Variants in LAMA2 observed in about 807,000 individuals in gnomAD.
LAMA2 encodes the protein laminin subunit alpha-2.
Under a neutral mutation model 364.8 loss-of-function variants are expected in LAMA2, and 269 were observed. The ratio of observed to expected loss-of-function variants is 0.74; its 90% CI spans 0.67 to 0.82. The LOEUF (loss-of-function observed/expected upper bound fraction) is 0.82, where lower values mean the gene tolerates loss of function less well. LAMA2 is among the 40% of genes least tolerant of loss of function. The pLI is 0.00. For missense variants in LAMA2, 3,807 were observed against 3,873.2 expected (o/e 0.98, Z 0.45); for synonymous variants, 1,379 against 1,370.6 (o/e 1.01, Z -0.14).
chr6:129,320,266 G>T (rs1774879496), intron 27 of LAMA2, among the ~76,000 whole-genome samples: 1 of 152,176 alleles, frequency 6.6e-6, no homozygotes, highest in Non-Finnish European at 1.5e-5. Context: ...GACTAAAGAG[G>T]AGGAGGAAGA....
At chr6:129,335,255 AT>A (rs1775883888) in intron 29 of LAMA2, among the ~76,000 whole-genome samples, 2 of 152,106 alleles carry the variant, frequency 1.3e-5, no homozygotes, top group African/African-American at 2.4e-5. Flanking sequence ...AAGAAAAAAA[AT>A]TTTTTTGAAG....
intron 35 of LAMA2, among the ~76,000 whole-genome samples, chr6:129,386,239 T>A (rs147627971): frequency 6.6e-6 from 1 of 152,162 alleles, no homozygotes; most frequent in East Asian, 1.9e-4. Context: ...AAAGAAAATA[T>A]ATTGAAGTGA....
intron 4 of LAMA2, among the ~76,000 whole-genome samples, chr6:129,124,961 C>G (rs1489845486): frequency 6.6e-6 from 1 of 152,162 alleles, no homozygotes; most frequent in East Asian, 1.9e-4. Context: ...GCTTTCACAG[C>G]AACTCGGGAC....
chr6:129,512,437 C>T lies in LAMA2; in HGVS notation c.8932C>T (p.Leu2978=), dbSNP rs1251117930. The T allele has an allele frequency of 6.2e-7, 1 of 1,613,608 alleles. No individual in the cohort carries two copies. Among genetic ancestry groups the T allele is most frequent in the South Asian group, 1.1e-5 (1 of 91,058 alleles). Residue 2978 remains leucine (L), a synonymous_variant, in exon 63 of 65, where the codon CTG becomes TTG. Coordinates refer to ENST00000421865, the MANE Select transcript of LAMA2 (RefSeq NM_000426.4). Reference sequence around the variant, plus strand: ...CACAACTACAACGACTGGAGTTCTTCTGGGGATCAGTAGTCAAAAAATGGA... The same window carrying T: ...CACAACTACAACGACTGGAGTTCTTTTGGGGATCAGTAGTCAAAAAATGGA... ...FRTTTTTGVL[L]GISSQKMDGM... is the part of the protein sequence containing the mutation.
intron 3 of LAMA2, among the ~76,000 whole-genome samples, chr6:129,061,548 A>G (rs1788914067): frequency 6.6e-6 from 1 of 152,162 alleles, no homozygotes; most frequent in Non-Finnish European, 1.5e-5. Flanking sequence ...AGCAAGTCAA[A>G]GAGTTTACCT....
intron 1 of LAMA2, among the ~76,000 whole-genome samples, chr6:128,930,381 C>T (rs1473552483): frequency 6.6e-6 from 1 of 152,102 alleles, no homozygotes; most frequent in Non-Finnish European, 1.5e-5. Context: ...ATTTGCTCAC[C>T]CCTGAAATTA....
chr6:129,173,080 C>T (rs1021375717), intron 9 of LAMA2, among the ~76,000 whole-genome samples: 12 of 152,178 alleles, frequency 7.9e-5, no homozygotes, highest in African/African-American at 2.7e-4. Context: ...TCTGGCATTC[C>T]CTAGTGAGAT....
chr6:129,387,331 A>G (rs1433463953), intron 35 of LAMA2, among the ~76,000 whole-genome samples: 1 of 152,210 alleles, frequency 6.6e-6, no homozygotes, highest in Non-Finnish European at 1.5e-5. Context: ...TCATTAGAGA[A>G]ATGCAAGTCA....
chr6:129,353,571 T>C (rs1776986129), intron 32 of LAMA2, among the ~76,000 whole-genome samples: 1 of 151,842 alleles, frequency 6.6e-6, no homozygotes, highest in Non-Finnish European at 1.5e-5. Context: ...GAGAAAATCC[T>C]CAGTGTGCTT....
At chr6:128,957,372 G>T (rs1244861358) in intron 1 of LAMA2, among the ~76,000 whole-genome samples, 1 of 152,096 alleles carries the variant, frequency 6.6e-6, no homozygotes, top group Non-Finnish European at 1.5e-5. Flanking sequence ...GTCAGTTGGG[G>T]TTTGATATGG....
chr6:128,892,310 T>TA (rs1389547009), intron 1 of LAMA2, among the ~76,000 whole-genome samples: 3 of 151,970 alleles, frequency 2.0e-5, no homozygotes, highest in Non-Finnish European at 1.5e-5. Context: ...AGCTAACAGT[T>TA]ATGTTAGTAG....
intron 10 of LAMA2, among the ~76,000 whole-genome samples, chr6:129,187,533 A>T (rs1434313317): frequency 6.6e-6 from 1 of 151,772 alleles, no homozygotes; most frequent in Non-Finnish European, 1.5e-5. Context: ...ACAACCGCTA[A>T]TGACTTACCA....
chr6:129,426,541 G>C (rs1365426349), intron 40 of LAMA2, among the ~76,000 whole-genome samples: 2 of 151,822 alleles, frequency 1.3e-5, no homozygotes, highest in African/African-American at 4.8e-5. Context: ...GTAGCAATGA[G>C]AATTCCTGTT....
chr6:129,168,751 TG>T (rs1175788965), intron 9 of LAMA2, among the ~76,000 whole-genome samples: 2 of 143,092 alleles, frequency 1.4e-5, no homozygotes, highest in Admixed American at 7.0e-5. Flanking sequence ...TAAATTACCT[TG>T]GGCAGTATGG....
intron 35 of LAMA2, among the ~76,000 whole-genome samples, chr6:129,387,829 G>A (rs780884991): frequency 3.9e-5 from 6 of 152,184 alleles, no homozygotes; most frequent in Non-Finnish European, 7.3e-5. Context: ...ACATGTTCTC[G>A]CTCATAAGTG....
intron 12 of LAMA2, among the ~76,000 whole-genome samples, chr6:129,203,493 AG>A (rs1439470732): frequency 6.6e-6 from 1 of 152,218 alleles, no homozygotes; most frequent in Non-Finnish European, 1.5e-5. Context: ...TAGTGGGAGA[AG>A]AAAATAGGTC....
At chr6:128,965,015 A>G (rs913420736) in intron 1 of LAMA2, among the ~76,000 whole-genome samples, 1 of 152,008 alleles carries the variant, frequency 6.6e-6, no homozygotes, top group African/African-American at 2.4e-5. Context: ...AGAGTCTGTA[A>G]GAGGAGTCCC....
At chr6:129,116,686 C>T (rs908392074) in intron 4 of LAMA2, among the ~76,000 whole-genome samples, 5 of 151,996 alleles carry the variant, frequency 3.3e-5, no homozygotes, top group African/African-American at 1.2e-4. Context: ...ATTTTAATAA[C>T]ATGCATTTTA....
At chr6:129,267,347 G>A (rs1367117819) in intron 16 of LAMA2, 128 bp downstream of exon 16, 11 of 745,950 alleles carry the variant, frequency 1.5e-5, no homozygotes, top group East Asian at 5.1e-5. Context: ...AAAGATCTTT[G>A]TATTGAACTG....
Sources: allele counts gnomAD v4.1 joint callset (sites outside exome capture counted in the v4.1 genomes callset), GRCh38; gene constraint gnomAD v4.1.1; transcripts MANE v1.5; gene names NCBI Gene and HGNC (gene_info 2026-07-23, HGNC 2026-07-21).